The following RORB variants were observed in gnomAD, a reference collection of about 807,000 sequenced individuals.
RORB encodes nuclear receptor ROR-beta.
Under a neutral mutation model 59.1 loss-of-function variants are expected in RORB, and 6 were observed. The observed-to-expected ratio is 0.10, with a 90% CI of 0.06 to 0.20. RORB has a LOEUF of 0.20. Among genes scored for constraint, RORB ranks in the 10% least tolerant of loss-of-function variants. RORB has a pLI of 1.00. For missense variants in RORB, 320 were observed against 560.5 expected, an observed-to-expected ratio of 0.57 and a Z score of 4.33; for synonymous variants, 215 against 204.5, an observed-to-expected ratio of 1.05 and a Z score of -0.44.
intron 1 of RORB, among the ~76,000 whole-genome samples, chr9:74,620,483 C>CA (rs200962861): frequency 0.31 from 47,428 of 151,724 alleles, 7,567 homozygotes; most frequent in Non-Finnish European, 0.35. Context: ...TTGATCTTTT[C>CA]AAAAAAACCA....
chr9:74,518,230 C>T (rs1424161353), intron 1 of RORB, among the ~76,000 whole-genome samples: 1 of 151,924 alleles, frequency 6.6e-6, no homozygotes, highest in Non-Finnish European at 1.5e-5. Context: ...TTCTTTAAGT[C>T]ATGCATAAGA....
chr9:74,673,738 C>A (rs939707778), intron 9 of RORB, among the ~76,000 whole-genome samples: 1 of 152,272 alleles, frequency 6.6e-6, no homozygotes, highest in Middle Eastern at 3.4e-3. Context: ...TAATTCAGTT[C>A]TTTTCTTATA....
chr9:74,653,600 G>C (rs924274701), intron 4 of RORB, among the ~76,000 whole-genome samples: 1 of 152,128 alleles, frequency 6.6e-6, no homozygotes, highest in Non-Finnish European at 1.5e-5. Context: ...ACCCTCTAGC[G>C]CTATATATAG....
intron 9 of RORB, among the ~76,000 whole-genome samples, chr9:74,674,426 G>A (rs1036257542): frequency 1.3e-5 from 2 of 152,180 alleles, no homozygotes; most frequent in Non-Finnish European, 2.9e-5. Context: ...GTAGGTAGAG[G>A]ATACCTCTGC....
chr9:74,540,527 G>A (rs1826389872), intron 1 of RORB, among the ~76,000 whole-genome samples: 1 of 152,124 alleles, frequency 6.6e-6, no homozygotes, highest in Non-Finnish European at 1.5e-5. Context: ...CAGCAAATAA[G>A]AAAATATATT....
chr9:74,549,720 G>C (rs1457658183), intron 1 of RORB, among the ~76,000 whole-genome samples: 2 of 151,792 alleles, frequency 1.3e-5, no homozygotes, highest in Non-Finnish European at 2.9e-5. Context: ...TTTTTTGACT[G>C]CTTGTAGGAT....
intron 1 of RORB, among the ~76,000 whole-genome samples, chr9:74,514,536 T>C (rs1243907352): frequency 6.6e-6 from 1 of 151,976 alleles, no homozygotes; most frequent in South Asian, 2.1e-4. Flanking sequence ...ATATGTCTTA[T>C]TGAACTTAGT....
At chr9:74,597,432 G>A (rs1302013643) in intron 1 of RORB, among the ~76,000 whole-genome samples, 2 of 152,132 alleles carry the variant, frequency 1.3e-5, no homozygotes, top group Non-Finnish European at 2.9e-5. Context: ...AACATGCACA[G>A]AATAAATGAA....
chr9:74,674,050 G>A (rs1316128760), intron 9 of RORB, among the ~76,000 whole-genome samples: 1 of 152,172 alleles, frequency 6.6e-6, no homozygotes, highest in African/African-American at 2.4e-5. Context: ...ATGCTGGAGG[G>A]TTAGGAATAT....
In RORB at chr9:74,597,091, G is replaced by A. The variant is rs186244580; in HGVS notation, c.8-33191G>A. On this transcript the variant is annotated intron_variant, in intron 1 of 9. Transcript: ENST00000376896. ...TACCCCAAGAGTTTCTAGCTCAGTC[G>A]GTCTGAAATTAGGTCCCAAGGATTT... Among the ~76,000 whole-genome samples the A allele has an allele frequency of 1.6e-3, 250 of 152,224 alleles. 2 individuals carry two copies. The highest frequency in any genetic ancestry group is 5.3e-3 in the African/African-American group (220 of 41,536).
At chr9:74,524,936 A>G (rs965533288) in intron 1 of RORB, among the ~76,000 whole-genome samples, 1 of 151,880 alleles carries the variant, frequency 6.6e-6, no homozygotes, top group South Asian at 2.1e-4. Context: ...ATCTTTAGAA[A>G]GGGAAATTAT....
intron 3 of RORB, among the ~76,000 whole-genome samples, chr9:74,638,230 A>C (rs1457802423): frequency 6.6e-6 from 1 of 152,234 alleles, no homozygotes; most frequent in African/African-American, 2.4e-5. Context: ...AACCAAAAAC[A>C]CATGTCCATG....
intron 1 of RORB, among the ~76,000 whole-genome samples, chr9:74,594,390 G>A (rs1024325531): frequency 6.6e-6 from 1 of 152,040 alleles, no homozygotes; most frequent in Non-Finnish European, 1.5e-5. Context: ...CCTTATGGAA[G>A]CTCCAAACAA....
intron 1 of RORB, among the ~76,000 whole-genome samples, chr9:74,521,732 A>G (rs1466220042): frequency 6.6e-6 from 1 of 151,666 alleles, no homozygotes; most frequent in Non-Finnish European, 1.5e-5. Flanking sequence ...TCACAGGTTA[A>G]TTTTTCATCG....
chr9:74,623,370 C>G (rs1378310433), intron 1 of RORB, among the ~76,000 whole-genome samples: 1 of 151,720 alleles, frequency 6.6e-6, no homozygotes, highest in Non-Finnish European at 1.5e-5. Context: ...TACAGTAACG[C>G]AAGATATTTC....
At chr9:74,636,066 G>A (rs1214978920) in intron 3 of RORB, among the ~76,000 whole-genome samples, 1 of 139,838 alleles carries the variant, frequency 7.2e-6, no homozygotes, top group Non-Finnish European at 1.6e-5. Context: ...ATTTTTTTTT[G>A]TTTTACTTGT....
intron 1 of RORB, among the ~76,000 whole-genome samples, chr9:74,499,551 C>G (rs754373858): frequency 6.6e-6 from 1 of 152,180 alleles, no homozygotes; most frequent in Non-Finnish European, 1.5e-5. Context: ...GGCCGGCTCG[C>G]TGGGAGTGGG....
chr9:74,508,690 C>G (rs1164119997), intron 1 of RORB, among the ~76,000 whole-genome samples: 1 of 151,982 alleles, frequency 6.6e-6, no homozygotes, highest in African/African-American at 2.4e-5. Flanking sequence ...CACAGCAAAA[C>G]TACATTTCTT....
At position 74,692,722 on chromosome 9, in the gene RORB, T is replaced by C. The variant is rs191168758; in HGVS notation, c.*7104T>C. ...AGAATAATGTCTCTTATAGTCACCA[T>C]TGATTTTTCTGGAGTTTAATTACAT... On this transcript the variant is annotated 3_prime_UTR_variant, in exon 10 of 10. Coordinates refer to ENST00000376896, the MANE Select transcript of RORB (RefSeq NM_006914.4). The C allele has an allele frequency of 3.1e-4, 47 of 152,356 alleles. No individual in the cohort carries two copies. The highest frequency in any genetic ancestry group is 1.1e-3 in the African/African-American group (45 of 41,586). 9.4% of individuals were successfully genotyped at this position (152,356 alleles called of 1,614,324 possible).
Sources: allele counts gnomAD v4.1 joint callset (sites outside exome capture counted in the v4.1 genomes callset), GRCh38; gene constraint gnomAD v4.1.1; transcripts MANE v1.5; gene names NCBI Gene and HGNC (gene_info 2026-07-23, HGNC 2026-07-21).